Variants in CERS3 observed in about 807,000 individuals in gnomAD.
CERS3 encodes the protein LAG1 homolog, ceramide synthase 3.
CERS3 carries 33 observed loss-of-function variants against 50.3 expected under a neutral mutation model. That is an observed-to-expected ratio of 0.66 (90% confidence interval 0.50 to 0.88). The LOEUF is 0.88. CERS3 is among the 40% of genes least tolerant of loss of function. The probability of loss-of-function intolerance (pLI) is 0.00; values close to 1 mark genes in which losing one functional copy is unlikely to be tolerated. For synonymous variants in CERS3, 176 were observed against 155.2 expected, an observed-to-expected ratio of 1.13 and a Z score of -0.99; for missense variants, 470 against 460.3, an observed-to-expected ratio of 1.02 and a Z score of -0.19.
chr15:100,533,682 C>G (rs953597095), upstream of CERS3, among the ~76,000 whole-genome samples: 8 of 151,756 alleles, frequency 5.3e-5, no homozygotes, highest in African/African-American at 1.9e-4. Context: ...CTCAGCCCCC[C>G]AAGTAGCTGG....
chr15:100,446,003 C>T (rs1220300422), intron 11 of CERS3, among the ~76,000 whole-genome samples: 1 of 152,194 alleles, frequency 6.6e-6, no homozygotes, highest in Non-Finnish European at 1.5e-5. Flanking sequence ...TGCTGAGCAC[C>T]TTGTGACCCC....
At chr15:100,507,809 A>G (rs1391857546) in intron 2 of CERS3, among the ~76,000 whole-genome samples, 5 of 152,352 alleles carry the variant, frequency 3.3e-5, no homozygotes, top group Middle Eastern at 6.8e-3. Context: ...CAGCAGCAGC[A>G]GCAGATGGCA....
At chr15:100,404,619 T>C (rs181024632) in intron 11 of CERS3, among the ~76,000 whole-genome samples, 43 of 152,312 alleles carry the variant, frequency 2.8e-4, no homozygotes, top group African/African-American at 1.0e-3. Context: ...ATGCAGACAA[T>C]GTAATTCTAA....
At chr15:100,408,349 T>C (rs1474855132) in intron 11 of CERS3, among the ~76,000 whole-genome samples, 2 of 152,158 alleles carry the variant, frequency 1.3e-5, no homozygotes, top group East Asian at 3.8e-4. Context: ...ACCAGTTTAA[T>C]ACAGCTGTAT....
intron 1 of CERS3, among the ~76,000 whole-genome samples, chr15:100,528,354 G>C (rs1281998897): frequency 1.3e-5 from 2 of 152,122 alleles, no homozygotes; most frequent in Non-Finnish European, 2.9e-5. Flanking sequence ...GTCTGAAATG[G>C]CCTTTGCCAC....
chr15:100,459,470 A>T (rs1382518803), intron 10 of CERS3, among the ~76,000 whole-genome samples: 1 of 151,996 alleles, frequency 6.6e-6, no homozygotes, highest in Non-Finnish European at 1.5e-5. Context: ...CAATTTTTGT[A>T]TTTTGTTTTT....
chr15:100,486,131 C>A (rs1395793039), intron 4 of CERS3, among the ~76,000 whole-genome samples: 1 of 152,122 alleles, frequency 6.6e-6, no homozygotes, highest in Non-Finnish European at 1.5e-5. Context: ...TTGACCAATC[C>A]CTCAAAGTAA....
At chr15:100,432,885 C>G (rs1272676711) in intron 11 of CERS3, among the ~76,000 whole-genome samples, 1 of 152,088 alleles carries the variant, frequency 6.6e-6, no homozygotes, top group Non-Finnish European at 1.5e-5. Flanking sequence ...GCGGAGCTCT[C>G]CATAACTGAG....
At chr15:100,530,063 G>T (rs535878280), upstream of CERS3, among the ~76,000 whole-genome samples, 1 of 152,110 alleles carries the variant, frequency 6.6e-6, no homozygotes, top group Non-Finnish European at 1.5e-5. Context: ...CTTTCTCTTC[G>T]AAGACGTTCT....
chr15:100,539,313 T>G (rs1359315166), intron 1 of CERS3, among the ~76,000 whole-genome samples: 2 of 152,182 alleles, frequency 1.3e-5, no homozygotes, highest in Non-Finnish European at 1.5e-5. Flanking sequence ...CTTCCACATT[T>G]TTGGGTACCT....
At chr15:100,479,874 G>C (rs2035246482) in intron 6 of CERS3, 115 bp downstream of exon 6, 2 of 753,428 alleles carry the variant, frequency 2.7e-6, no homozygotes, top group Non-Finnish European at 4.4e-6. Context: ...AATCTTGAGA[G>C]AAATCTCTAA....
chr15:100,504,839 G>T (rs2036129691), intron 2 of CERS3, among the ~76,000 whole-genome samples: 1 of 152,192 alleles, frequency 6.6e-6, no homozygotes, highest in African/African-American at 2.4e-5. Flanking sequence ...ACTCAAGCTT[G>T]GTTGCCTGAA....
chr15:100,451,528 C>G (rs907697055), intron 11 of CERS3, among the ~76,000 whole-genome samples: 10 of 152,024 alleles, frequency 6.6e-5, no homozygotes, highest in African/African-American at 2.4e-4. Context: ...ATGGTGAAAC[C>G]CTGTCTCTAC....
intron 3 of CERS3, among the ~76,000 whole-genome samples, chr15:100,494,296 G>C: frequency 7.0e-6 from 1 of 143,392 alleles, no homozygotes; most frequent in African/African-American, 2.6e-5. Context: ...CGCCCAGGCT[G>C]GAGTGCAGTG....
chr15:100,490,723 G>T, intron 4 of CERS3, 94 bp downstream of exon 4: 1 of 750,854 alleles, frequency 1.3e-6, no homozygotes, highest in Admixed American at 2.5e-5. Context: ...TGGTCAACTA[G>T]AATAGATTTC....
chr15:100,439,813 A>G (rs931990575), intron 11 of CERS3, among the ~76,000 whole-genome samples: 9 of 152,174 alleles, frequency 5.9e-5, no homozygotes, highest in Non-Finnish European at 5.9e-5. Context: ...AAGTCATACA[A>G]ACTGCAAGGA....
chr15:100,503,960 T>A (rs535391518), intron 2 of CERS3: 2 of 337,392 alleles, frequency 5.9e-6, no homozygotes, highest in African/African-American at 4.3e-5. Flanking sequence ...GTGTTGGGAG[T>A]GAGGCCCGAG....
intron 11 of CERS3, among the ~76,000 whole-genome samples, chr15:100,441,418 C>T (rs548611645): frequency 1.3e-5 from 2 of 151,966 alleles, no homozygotes; most frequent in Non-Finnish European, 2.9e-5. Flanking sequence ...GTGCCCCAAC[C>T]CCTTACTTCC....
At chr15:100,473,895 T>C (rs1171440185) in intron 8 of CERS3, among the ~76,000 whole-genome samples, 1 of 152,210 alleles carries the variant, frequency 6.6e-6, no homozygotes, top group Non-Finnish European at 1.5e-5. Context: ...GTCCATCAAC[T>C]GATAAGAGGA....
Sources: gnomAD v4.1 joint callset for allele counts (sites outside exome capture counted in the v4.1 genomes callset) on GRCh38, gnomAD v4.1.1 for gene constraint, MANE v1.5 for transcripts, NCBI Gene and HGNC (gene_info 2026-07-23, HGNC 2026-07-21) for gene names.